RERG: variants seen among roughly 807,000 people sequenced by gnomAD.
RERG encodes the protein RAS like estrogen regulated growth inhibitor.
RERG carries 25 observed loss-of-function variants against 23.2 expected under a neutral mutation model. The observed-to-expected ratio is 1.08, with a 90% confidence interval of 0.79 to 1.50. The LOEUF (loss-of-function observed/expected upper bound fraction) is 1.50. Ranked by LOEUF, RERG falls within the 40% of genes most tolerant of loss-of-function variation. The pLI, the probability that RERG is intolerant of heterozygous loss-of-function variation, is 0.00. For missense variants in RERG, 253 were observed against 250.1 expected (o/e 1.01, Z -0.08); for synonymous variants, 81 against 89.1 (o/e 0.91, Z 0.51).
intron 2 of RERG, among the ~76,000 whole-genome samples, chr12:15,195,978 C>T (rs970124432): frequency 2.6e-5 from 4 of 152,116 alleles, no homozygotes; most frequent in Non-Finnish European, 4.4e-5. Context: ...AGGTGTCCAG[C>T]ATAATGCTCA....
intron 2 of RERG, among the ~76,000 whole-genome samples, chr12:15,126,869 C>T (rs566627489): frequency 2.0e-5 from 3 of 151,528 alleles, no homozygotes; most frequent in East Asian, 1.9e-4. Flanking sequence ...AGGCGCAACC[C>T]GCCACACCCG....
chr12:15,188,406 A>G (rs1865023113), intron 2 of RERG, among the ~76,000 whole-genome samples: 2 of 152,178 alleles, frequency 1.3e-5, no homozygotes, highest in African/African-American at 4.8e-5. Context: ...ACACAAACAC[A>G]CAAAGCTTTC....
chr12:15,198,822 C>T (rs538854212), intron 2 of RERG, among the ~76,000 whole-genome samples: 2 of 152,294 alleles, frequency 1.3e-5, no homozygotes, highest in South Asian at 4.1e-4. Flanking sequence ...TTTGTCACAT[C>T]TCCCCCGACT....
chr12:15,113,863 G>A (rs73063870), intron 3 of RERG, among the ~76,000 whole-genome samples: 2,623 of 151,938 alleles, frequency 0.017, 40 homozygotes, highest in Non-Finnish European at 0.027. Flanking sequence ...TTTTTGAGAC[G>A]CTCAAGAAAC....
rs570414021 is a variant in RERG, at chr12:15,184,962, A to T, written c.61+32467T>A. On this transcript the variant is annotated intron_variant, in intron 2 of 4. Transcript: ENST00000256953. ...ACATTCCAATGGAAAGTGACAAAAA[A>T]GCAGCTCCAGTAATTTGTCAAACGC... Among the ~76,000 whole-genome samples the T allele has an allele frequency of 7.0e-4, 107 of 152,310 alleles. 1 individual carries two copies. Among genetic ancestry groups the T allele is most frequent in the Non-Finnish European group, 4.6e-4 (31 of 68,020 alleles).
At chr12:15,186,343 T>C (rs2136131836) in intron 2 of RERG, among the ~76,000 whole-genome samples, 1 of 152,220 alleles carries the variant, frequency 6.6e-6, no homozygotes, top group South Asian at 2.1e-4. Flanking sequence ...GGATGTTTGC[T>C]GGGCCATGTG....
chr12:15,185,077 C>A (rs1864971777), intron 2 of RERG, among the ~76,000 whole-genome samples: 1 of 152,108 alleles, frequency 6.6e-6, no homozygotes, highest in African/African-American at 2.4e-5. Flanking sequence ...CAGGTGCAGA[C>A]CCCCAATTAT....
chr12:15,128,144 A>G (rs953230978), intron 2 of RERG, among the ~76,000 whole-genome samples: 3 of 152,178 alleles, frequency 2.0e-5, no homozygotes, highest in Admixed American at 6.5e-5. Context: ...ATGGAGAAGC[A>G]TGCTTTGAGA....
intron 2 of RERG, among the ~76,000 whole-genome samples, chr12:15,130,439 A>G (rs756494075): frequency 2.0e-5 from 3 of 152,208 alleles, no homozygotes; most frequent in Non-Finnish European, 4.4e-5. Context: ...AAGTTAACAG[A>G]TGAAGCCAGG....
At chr12:15,189,894 G>A (rs761263093) in intron 2 of RERG, among the ~76,000 whole-genome samples, 12 of 152,168 alleles carry the variant, frequency 7.9e-5, no homozygotes, top group Non-Finnish European at 1.5e-4. Flanking sequence ...AAACCAGGGA[G>A]CTTGACGTTA....
chr12:15,114,340 A>G (rs1399671132), intron 3 of RERG, among the ~76,000 whole-genome samples: 2 of 152,232 alleles, frequency 1.3e-5, no homozygotes, highest in East Asian at 3.8e-4. Flanking sequence ...AAACATGATA[A>G]GCAAAAAGTT....
intron 2 of RERG, among the ~76,000 whole-genome samples, chr12:15,211,913 G>A (rs1253467248): frequency 6.6e-6 from 1 of 152,010 alleles, no homozygotes; most frequent in Non-Finnish European, 1.5e-5. Context: ...TCCTCAAGGA[G>A]GTAGAAACTG....
chr12:15,183,299 T>C (rs915120661), intron 2 of RERG, among the ~76,000 whole-genome samples: 6 of 152,158 alleles, frequency 3.9e-5, no homozygotes, highest in Admixed American at 3.9e-4. Flanking sequence ...CTGAGATACG[T>C]GGGCAAACAT....
Position 15,109,522 on chromosome 12 carries a change from T to C in RERG, c.193-5A>G. 3 of 1,568,084 alleles carry C rather than the reference T, an allele frequency of 1.9e-6. No homozygotes were observed. The highest frequency in any genetic ancestry group is 2.6e-6 in the Non-Finnish European group (3 of 1,154,680). On this transcript the variant is annotated splice_polypyrimidine_tract_variant and splice_region_variant and intron_variant, in intron 4 of 4. Transcript: ENST00000256953. ...CTCCCTCTGAATGGTATCTTCCTGT[T>C]GGCAAAGAAAAATGGCCGTCAAGAG...
At chr12:15,210,226 C>T (rs1213860092) in intron 2 of RERG, among the ~76,000 whole-genome samples, 1 of 152,134 alleles carries the variant, frequency 6.6e-6, no homozygotes, top group African/African-American at 2.4e-5. Context: ...TTCTTCCCTC[C>T]ACTTAAAGTT....
intron 2 of RERG, among the ~76,000 whole-genome samples, chr12:15,126,157 T>TATATATATATATATATATATA (rs1555120854): frequency 1.6e-4 from 9 of 55,454 alleles, no homozygotes; most frequent in Admixed American, 4.5e-4. Flanking sequence ...ATATATGTAT[T>TATATATATATATATATATATA]TACACACATA....
intron 2 of RERG, among the ~76,000 whole-genome samples, chr12:15,129,001 C>T (rs950126626): frequency 7.9e-5 from 12 of 152,246 alleles, no homozygotes; most frequent in African/African-American, 2.6e-4. Flanking sequence ...TTTCTGTGAC[C>T]GTTCTGGTCT....
chr12:15,144,694 C>T (rs1864300985), intron 2 of RERG, among the ~76,000 whole-genome samples: 1 of 152,158 alleles, frequency 6.6e-6, no homozygotes, highest in African/African-American at 2.4e-5. Context: ...GGTGGCAATG[C>T]AGAGAGTCAA....
At chr12:15,117,675 GCA>G (rs3084648) in intron 3 of RERG, among the ~76,000 whole-genome samples, 4,167 of 145,016 alleles carry the variant, frequency 0.029, 68 homozygotes, top group African/African-American at 0.053. Context: ...TCACACACGC[GCA>G]CACACACACA....
Sources: gnomAD v4.1 joint callset for allele counts (sites outside exome capture counted in the v4.1 genomes callset) on GRCh38, gnomAD v4.1.1 for gene constraint, MANE v1.5 for transcripts, NCBI Gene and HGNC (gene_info 2026-07-23, HGNC 2026-07-21) for gene names.